FAF1: variants seen among roughly 807,000 people sequenced by gnomAD.
FAF1 encodes FAS-associated factor 1.
In FAF1, 25 loss-of-function variants were observed where a neutral mutation model predicts 92.5. The observed-to-expected ratio is 0.27, with a 90% CI of 0.20 to 0.38. FAF1 has a LOEUF of 0.38. FAF1 is among the 10% of genes least tolerant of loss of function. The pLI is 1.00. For synonymous variants in FAF1, 234 were observed against 273.2 expected (o/e 0.86, Z 1.42); for missense variants, 636 against 793.3 (o/e 0.80, Z 2.38).
chr1:50,457,419 T>G (rs987489152), intron 18 of FAF1, among the ~76,000 whole-genome samples: 1 of 152,190 alleles, frequency 6.6e-6, no homozygotes, highest in African/African-American at 2.4e-5. Flanking sequence ...AAAAGGTTAA[T>G]CTGCGCACAT....
chr1:50,522,358 T>C (rs1402080667), intron 15 of FAF1, among the ~76,000 whole-genome samples: 1 of 152,196 alleles, frequency 6.6e-6, no homozygotes, highest in Admixed American at 6.5e-5. Context: ...TTAACCTCTA[T>C]AAGCCTCAGT....
chr1:50,851,051 ATG>A (rs377126826), intron 2 of FAF1, among the ~76,000 whole-genome samples: 114 of 151,930 alleles, frequency 7.5e-4, no homozygotes, highest in African/African-American at 2.5e-3. Flanking sequence ...TCTGATTGAT[ATG>A]AACAATCCTA....
intron 4 of FAF1, among the ~76,000 whole-genome samples, chr1:50,766,936 CA>C (rs1285738064): frequency 3.3e-5 from 5 of 152,142 alleles, no homozygotes; most frequent in Admixed American, 1.3e-4. Context: ...CACACAACCA[CA>C]CTAGTTCCCC....
intron 4 of FAF1, among the ~76,000 whole-genome samples, chr1:50,755,629 C>T (rs898817998): frequency 5.3e-5 from 8 of 152,224 alleles, no homozygotes; most frequent in Non-Finnish European, 2.9e-5. Context: ...TCTGACCCCA[C>T]ATTTCCCTTT....
At chr1:50,596,417 T>TTCA (rs1380872218) in intron 8 of FAF1, among the ~76,000 whole-genome samples, 1 of 152,172 alleles carries the variant, frequency 6.6e-6, no homozygotes, top group Admixed American at 6.5e-5. Context: ...AAGGCTAATT[T>TTCA]TCATTAGATG....
intron 6 of FAF1, among the ~76,000 whole-genome samples, chr1:50,737,099 T>C (rs1236490409): frequency 6.6e-6 from 1 of 152,254 alleles, no homozygotes; most frequent in Non-Finnish European, 1.5e-5. Context: ...TTTGAACTTT[T>C]CTCTCTTATT....
chr1:50,700,215 G>A (rs1407319916), intron 7 of FAF1, among the ~76,000 whole-genome samples: 3 of 140,900 alleles, frequency 2.1e-5, no homozygotes, highest in African/African-American at 5.8e-5. Context: ...CAGAGCAAGC[G>A]AGGAGGCTCA....
chr1:50,819,161 T>C (rs750954407), intron 2 of FAF1, among the ~76,000 whole-genome samples: 9 of 151,944 alleles, frequency 5.9e-5, no homozygotes, highest in African/African-American at 1.2e-4. Flanking sequence ...CATGTGGTAA[T>C]AAAAATTAGA....
intron 1 of FAF1, among the ~76,000 whole-genome samples, chr1:50,870,320 G>A (rs1644517107): frequency 1.3e-5 from 2 of 152,202 alleles, no homozygotes; most frequent in Admixed American, 1.3e-4. Context: ...AGCTGAGCAT[G>A]GCAGCATGTG....
chr1:50,785,385 A>G (rs1242283504), intron 4 of FAF1, among the ~76,000 whole-genome samples: 1 of 152,068 alleles, frequency 6.6e-6, no homozygotes, highest in Non-Finnish European at 1.5e-5. Context: ...TATATCTAAT[A>G]AGGGGTTAAA....
chr1:50,463,683 G>A (rs186758491), intron 18 of FAF1, among the ~76,000 whole-genome samples: 23 of 152,312 alleles, frequency 1.5e-4, no homozygotes, highest in Non-Finnish European at 1.9e-4. Context: ...AAGGTCTGGC[G>A]TGGAACAGAA....
At chr1:50,528,819 C>T (rs1647981036) in intron 15 of FAF1, among the ~76,000 whole-genome samples, 1 of 152,186 alleles carries the variant, frequency 6.6e-6, no homozygotes, top group African/African-American at 2.4e-5. Context: ...AACCTCTCCT[C>T]CACCTCTCCT....
intron 2 of FAF1, among the ~76,000 whole-genome samples, chr1:50,819,459 A>C (rs1644010871): frequency 7.6e-6 from 1 of 131,664 alleles, no homozygotes; most frequent in Non-Finnish European, 1.7e-5. Context: ...TAGAAAATTT[A>C]AAAATTAAAA....
intron 8 of FAF1, among the ~76,000 whole-genome samples, chr1:50,618,414 GTT>G (rs540421778): frequency 3.6e-5 from 4 of 111,894 alleles, no homozygotes; most frequent in Admixed American, 2.0e-4. Context: ...AGTTTTTAGA[GTT>G]TTTTTTTTTT....
At chr1:50,594,606 T>G (rs1572856961) in intron 9 of FAF1, among the ~76,000 whole-genome samples, 1 of 98,672 alleles carries the variant, frequency 1.0e-5, no homozygotes, top group African/African-American at 4.0e-5. Flanking sequence ...ACACCTGTAA[T>G]CCCAGCAATT....
At chr1:50,643,164 G>A (rs763680550) in intron 8 of FAF1, among the ~76,000 whole-genome samples, 6 of 152,050 alleles carry the variant, frequency 3.9e-5, no homozygotes, top group Non-Finnish European at 7.4e-5. Flanking sequence ...TTTCAGCATT[G>A]CGTTTTATCT....
chr1:50,623,326 G>T (rs1403944159), intron 8 of FAF1, among the ~76,000 whole-genome samples: 1 of 152,100 alleles, frequency 6.6e-6, no homozygotes, highest in Non-Finnish European at 1.5e-5. Flanking sequence ...CTAGCACTTT[G>T]GGAGGCCAAG....
At position 50,729,034 on chromosome 1, in the gene FAF1, C is replaced by CTA. The variant is rs1553132882; in HGVS notation, c.551+9827_551+9828dup. On this transcript the variant is annotated intron_variant, in intron 6 of 18. Coordinates refer to ENST00000396153, the MANE Select transcript of FAF1 (RefSeq NM_007051.3). ...TCTATCTATCTATCTATCTATCTAT[C>CTA]TATATATATATATATATATATATAT... Among the ~76,000 whole-genome samples the CTA allele has an allele frequency of 5.0e-3, 440 of 88,026 alleles. 5 individuals are homozygous for CTA. Among genetic ancestry groups the CTA allele is most frequent in the East Asian group, 0.014 (44 of 3,050 alleles). The allele number at this position is 88,026 out of a possible 152,430, so 57.7% of individuals were successfully genotyped here. A position where few individuals can be genotyped will look rare whatever the true frequency, so the allele number is the denominator to read the frequency against.
At chr1:50,849,055 G>A (rs1448073770) in intron 2 of FAF1, among the ~76,000 whole-genome samples, 2 of 151,978 alleles carry the variant, frequency 1.3e-5, no homozygotes, top group Admixed American at 6.6e-5. Context: ...TCAGGAGTTC[G>A]AGACTAGCCT....
Sources: gnomAD v4.1 joint callset for allele counts (sites outside exome capture counted in the v4.1 genomes callset) on GRCh38, gnomAD v4.1.1 for gene constraint, MANE v1.5 for transcripts, NCBI Gene and HGNC (gene_info 2026-07-23, HGNC 2026-07-21) for gene names.